Variants in PSD3 observed in about 807,000 individuals in gnomAD.
PSD3 encodes the protein pleckstrin and Sec7 domain containing 3.
In PSD3, 49 loss-of-function variants were observed where a neutral mutation model predicts 105.5. That is an observed-to-expected ratio of 0.46 (90% CI 0.37 to 0.59). The LOEUF (loss-of-function observed/expected upper bound fraction) is 0.59. PSD3 is among the 20% of genes least tolerant of loss of function. The pLI, the probability that PSD3 is intolerant of heterozygous loss-of-function variation, is 0.00. For missense variants in PSD3, 1,561 were observed against 1,263.8 expected, an observed-to-expected ratio of 1.24 and a Z score of -3.57; for synonymous variants, 557 against 457.8, an observed-to-expected ratio of 1.22 and a Z score of -2.77.
chr8:18,755,900 C>T (rs1012819468), intron 9 of PSD3, among the ~76,000 whole-genome samples: 3 of 152,148 alleles, frequency 2.0e-5, no homozygotes, highest in African/African-American at 4.8e-5. Context: ...ATGATGAGCA[C>T]GTGATCGAAA....
chr8:18,818,649 A>C (rs1204306855), intron 4 of PSD3, among the ~76,000 whole-genome samples: 1 of 152,036 alleles, frequency 6.6e-6, no homozygotes, highest in Non-Finnish European at 1.5e-5. Flanking sequence ...GAGACCCAGT[A>C]GACAACAAAT....
chr8:18,856,192 A>G (rs1332447563), intron 4 of PSD3, among the ~76,000 whole-genome samples: 2 of 152,142 alleles, frequency 1.3e-5, no homozygotes, highest in Non-Finnish European at 2.9e-5. Flanking sequence ...CACCCCCACA[A>G]GGACCTCCGT....
intron 1 of PSD3, 45 bp from the exon 2 acceptor site, chr8:18,936,187 T>A (rs10092681): frequency 1 from 1,293,800 of 1,299,248 alleles, 644,360 homozygotes; most frequent in East Asian, 1. Context: ...AATACATCAT[T>A]AAAAAACACA....
chr8:18,677,963 T>TGC (rs1243506381), intron 9 of PSD3, among the ~76,000 whole-genome samples: 1 of 147,318 alleles, frequency 6.8e-6, no homozygotes, highest in African/African-American at 2.5e-5. Flanking sequence ...TGAGCCGAGA[T>TGC]CAGGCCACTG....
intron 9 of PSD3, among the ~76,000 whole-genome samples, chr8:18,667,793 G>A (rs1463216891): frequency 1.3e-5 from 2 of 152,332 alleles, no homozygotes; most frequent in South Asian, 2.1e-4. Flanking sequence ...GGAGGCTCAG[G>A]CATGGCGGGC....
intron 4 of PSD3, among the ~76,000 whole-genome samples, chr8:18,852,275 C>G (rs1354859303): frequency 6.6e-6 from 1 of 152,078 alleles, no homozygotes; most frequent in Admixed American, 6.5e-5. Context: ...GAAACTCAGA[C>G]CAGGCACTCA....
rs1329293331 is a variant in PSD3, at chr8:18,916,718, G to T, written c.130+19316C>A. 6.6e-5 allele frequency among the ~76,000 whole-genome samples: 10 copies of T among 152,062 alleles called. No homozygotes were observed. In the East Asian group the frequency reaches 1.7e-3, roughly 27 times the overall value. On this transcript the variant is annotated intron_variant, in intron 2 of 15. Coordinates refer to ENST00000327040, the MANE Select transcript of PSD3 (RefSeq NM_015310.4). ...CACACACTTGAAAATTGCTAAAGGAGTAGATCTTAAATGTTCCCACCACAA... is the reference window on the plus strand; with the variant it reads ...CACACACTTGAAAATTGCTAAAGGATTAGATCTTAAATGTTCCCACCACAA...
intron 10 of PSD3, among the ~76,000 whole-genome samples, chr8:18,639,181 A>C (rs1563409542): frequency 6.6e-6 from 1 of 152,270 alleles, no homozygotes; most frequent in Admixed American, 6.5e-5. Context: ...CTTCCTAAGG[A>C]CTATGCTATA....
At chr8:18,906,405 C>G (rs192296299) in intron 2 of PSD3, among the ~76,000 whole-genome samples, 1 of 152,044 alleles carries the variant, frequency 6.6e-6, no homozygotes, top group Non-Finnish European at 1.5e-5. Context: ...TAGAAGGTGT[C>G]GAAGATCATA....
intron 2 of PSD3, among the ~76,000 whole-genome samples, chr8:18,912,277 T>G (rs73666750): frequency 2.0e-5 from 3 of 151,942 alleles, no homozygotes; most frequent in Non-Finnish European, 4.4e-5. Flanking sequence ...AACAAAAGAG[T>G]ATTAACTCCG....
At chr8:18,844,426 C>A (rs1406690037) in intron 4 of PSD3, among the ~76,000 whole-genome samples, 1 of 152,108 alleles carries the variant, frequency 6.6e-6, no homozygotes, top group Non-Finnish European at 1.5e-5. Context: ...TAACACCTTT[C>A]CTCTTTTTAG....
rs764620560 is a variant in PSD3, at chr8:18,527,544, A to G, written c.*8199T>C. 3.9e-5 allele frequency: 6 copies of G among 152,670 alleles called. No individual in the cohort carries two copies. The highest frequency in any genetic ancestry group is 7.3e-5 in the Non-Finnish European group (5 of 68,046). 9.5% of individuals were successfully genotyped at this position (152,670 alleles called of 1,614,324 possible). A position where few individuals can be genotyped will look rare whatever the true frequency, so the allele number is the denominator to read the frequency against. ...ATATATCACAGCTTCTATACATATCAGATGACTCACTTGTCTACAAGGTTT... is the reference window on the plus strand; with the variant it reads ...ATATATCACAGCTTCTATACATATCGGATGACTCACTTGTCTACAAGGTTT... On this transcript the variant is annotated 3_prime_UTR_variant, in exon 16 of 16. Coordinates refer to ENST00000327040, the MANE Select transcript of PSD3 (RefSeq NM_015310.4).
chr8:18,991,097 G>A (rs554630558), intron 1 of PSD3, among the ~76,000 whole-genome samples: 3 of 152,178 alleles, frequency 2.0e-5, no homozygotes, highest in Non-Finnish European at 4.4e-5. Context: ...CCAGAAACAC[G>A]GGTTTTACAT....
chr8:19,040,030 A>T (rs1375302604), intron 1 of PSD3, among the ~76,000 whole-genome samples: 2 of 152,156 alleles, frequency 1.3e-5, no homozygotes, highest in East Asian at 1.9e-4. Context: ...ATATCTGGGC[A>T]CCAACCTAAA....
At chr8:18,847,031 T>C (rs528531765) in intron 4 of PSD3, among the ~76,000 whole-genome samples, 29 of 152,262 alleles carry the variant, frequency 1.9e-4, no homozygotes, top group African/African-American at 6.7e-4. Flanking sequence ...ACAATACCCA[T>C]GTCCTGGATA....
intron 9 of PSD3, among the ~76,000 whole-genome samples, chr8:18,672,279 G>A (rs1053880121): frequency 1.8e-4 from 27 of 151,640 alleles, no homozygotes; most frequent in African/African-American, 5.3e-4. Context: ...TGAAGTTAAC[G>A]TGCACAGTTT....
chr8:18,657,652 GCAGA>G (rs33985233), intron 9 of PSD3, among the ~76,000 whole-genome samples: 11,702 of 152,242 alleles, frequency 0.077, 549 homozygotes, highest in East Asian at 0.17. Flanking sequence ...CTATGGAAGT[GCAGA>G]GAGAGTTGAA....
At chr8:18,925,993 A>C (rs1821336809) in intron 2 of PSD3, among the ~76,000 whole-genome samples, 1 of 152,218 alleles carries the variant, frequency 6.6e-6, no homozygotes, top group African/African-American at 2.4e-5. Flanking sequence ...GAAGACGGAA[A>C]GCCTACCGTT....
chr8:18,980,810 T>A (rs1031158918), intron 1 of PSD3, among the ~76,000 whole-genome samples: 15 of 152,180 alleles, frequency 9.9e-5, no homozygotes, highest in African/African-American at 3.4e-4. Flanking sequence ...ACCTGAATAC[T>A]ATTTACACCC....
Sources: allele counts gnomAD v4.1 joint callset (sites outside exome capture counted in the v4.1 genomes callset), GRCh38; gene constraint gnomAD v4.1.1; transcripts MANE v1.5; gene names NCBI Gene and HGNC (gene_info 2026-07-23, HGNC 2026-07-21).